KAT2B: variants seen among roughly 807,000 people sequenced by gnomAD.
KAT2B encodes the protein histone acetyltransferase KAT2B.
A neutral mutation model predicts 105.9 loss-of-function variants in KAT2B; 36 were observed. The observed-to-expected ratio is 0.34, with a 90% CI of 0.26 to 0.45. The LOEUF (loss-of-function observed/expected upper bound fraction) is 0.45. KAT2B is among the 20% of genes least tolerant of loss of function. KAT2B has a pLI of 1.00. For synonymous variants in KAT2B, 397 were observed against 377.9 expected, an observed-to-expected ratio of 1.05 and a Z score of -0.59; for missense variants, 820 against 1,021.6, an observed-to-expected ratio of 0.80 and a Z score of 2.69.
rs935551582 is a variant in KAT2B at position 20,154,398 on chromosome 3, C to A, written c.*1873C>A. On this transcript the variant is annotated 3_prime_UTR_variant, in exon 18 of 18. Coordinates refer to ENST00000263754, the MANE Select transcript of KAT2B (RefSeq NM_003884.5). Reference sequence around the variant, plus strand: ...TAGTTTTAAATTATATTTTAAAAAGCTTCCAATCTTGTGGTGTGTTTTATT... The same window carrying A: ...TAGTTTTAAATTATATTTTAAAAAGATTCCAATCTTGTGGTGTGTTTTATT... The A allele has an allele frequency of 1.3e-5, 2 of 152,478 alleles. No individual in the cohort carries two copies. Among genetic ancestry groups the A allele is most frequent in the Non-Finnish European group, 1.5e-5 (1 of 68,014 alleles). 9.4% of individuals were successfully genotyped at this position (152,478 alleles called of 1,614,324 possible).
At position 20,111,628 on chromosome 3, in the gene KAT2B, GC is replaced by G; in HGVS notation, c.885del (p.Cys295TrpfsTer25). 6.2e-7 allele frequency: 1 copy of G among 1,613,422 alleles called. No individual in the cohort carries two copies. The highest frequency in any genetic ancestry group is 8.5e-7 in the Non-Finnish European group (1 of 1,179,692). ...TGTTACTGCAACGTGCCACAGTTCT[GC>G]GACAGTCTACCTCGGTACGAAACCA... ...WLCYCNVPQF[C>X]DSLPRYETTQ... On this transcript the variant is annotated frameshift_variant, in exon 6 of 18. Coordinates refer to ENST00000263754, the MANE Select transcript of KAT2B (RefSeq NM_003884.5). LOFTEE classifies it high-confidence loss of function.
intron 12 of KAT2B, among the ~76,000 whole-genome samples, chr3:20,138,862 T>TA (rs1259752970): frequency 6.6e-6 from 1 of 152,190 alleles, no homozygotes; most frequent in Non-Finnish European, 1.5e-5. Context: ...TGTTATTACA[T>TA]AAAATCTATT....
intron 1 of KAT2B, among the ~76,000 whole-genome samples, chr3:20,071,732 C>T (rs1201055801): frequency 1.3e-5 from 2 of 152,110 alleles, no homozygotes; most frequent in Admixed American, 6.6e-5. Context: ...GGGAAATGTA[C>T]GTGTAAGTAG....
intron 1 of KAT2B, among the ~76,000 whole-genome samples, chr3:20,064,149 A>G (rs557835024): frequency 1.3e-4 from 20 of 152,258 alleles, no homozygotes; most frequent in Middle Eastern, 3.4e-3. Flanking sequence ...GAGGATTCCA[A>G]TTTTTCACAT....
intron 5 of KAT2B, among the ~76,000 whole-genome samples, chr3:20,107,782 A>G (rs894191587): frequency 1.3e-5 from 2 of 149,240 alleles, no homozygotes; most frequent in African/African-American, 4.9e-5. Flanking sequence ...AAACCTCCAA[A>G]TCCAGTGTTT....
rs1167171535 is a variant in KAT2B, at chr3:20,054,137, G to GT, written c.303+13367dup. Reference sequence around the variant, plus strand: ...TTTTGTTTTTGTTTTTTGTTTTTTTGTTTTTTTTTTGAGACGGTGTCTCGC... The same window carrying GT: ...TTTTGTTTTTGTTTTTTGTTTTTTTGTTTTTTTTTTTGAGACGGTGTCTCGC... On this transcript the variant is annotated intron_variant, in intron 1 of 17. Coordinates refer to ENST00000263754, the MANE Select transcript of KAT2B (RefSeq NM_003884.5). Among the ~76,000 whole-genome samples, 119 of 145,236 alleles carry GT rather than the reference G, an allele frequency of 8.2e-4. 1 individual carries two copies. Among genetic ancestry groups the GT allele is most frequent in the Middle Eastern group, 7.3e-3 (2 of 274 alleles).
rs79085995 is a variant in KAT2B, at chr3:20,056,323, G to T, written c.303+15543G>T. 2.5e-3 allele frequency among the ~76,000 whole-genome samples: 387 copies of T among 152,234 alleles called. 3 individuals carry two copies. The highest frequency in any genetic ancestry group is 8.9e-3 in the African/African-American group (369 of 41,534). On this transcript the variant is annotated intron_variant, in intron 1 of 17. Coordinates refer to ENST00000263754, the MANE Select transcript of KAT2B (RefSeq NM_003884.5). ...GACAGAAATGAAGGATAATGTCCAG[G>T]TTTTTGGCCTGAGCAACTGAATGGA...
intron 7 of KAT2B, among the ~76,000 whole-genome samples, chr3:20,118,133 T>TA (rs926288283): frequency 6.8e-6 from 1 of 146,994 alleles, no homozygotes; most frequent in African/African-American, 2.5e-5. Context: ...CATGTATATA[T>TA]AAAAAAAAAT....
In KAT2B at chr3:20,044,858, T is replaced by C. The variant is rs564647988; in HGVS notation, c.303+4078T>C. On this transcript the variant is annotated intron_variant, in intron 1 of 17. Coordinates refer to ENST00000263754, the MANE Select transcript of KAT2B (RefSeq NM_003884.5). ...GATTCTTAGCCATGCGGTTATTGAC[T>C]AAGCGAATGAACCAGAGAAGAGAAA... Among the ~76,000 whole-genome samples, 5 of 152,304 alleles carry C rather than the reference T, an allele frequency of 3.3e-5. No individual in the cohort carries two copies. The South Asian group carries it at 1.0e-3, about 32-fold the overall frequency.
At chr3:20,062,388 CATA>C (rs1211339753) in intron 1 of KAT2B, among the ~76,000 whole-genome samples, 11 of 105,148 alleles carry the variant, frequency 1.0e-4, no homozygotes, top group East Asian at 4.9e-4. Context: ...TTATATATAA[CATA>C]ATAAATTATA....
At chr3:20,138,907 G>A (rs1214395747) in intron 12 of KAT2B, among the ~76,000 whole-genome samples, 1 of 151,912 alleles carries the variant, frequency 6.6e-6, no homozygotes, top group Admixed American at 6.6e-5. Flanking sequence ...TTGTTTGTTT[G>A]TTTTGAGACA....
In KAT2B at chr3:20,140,185, A is replaced by C. The variant is rs764232813; in HGVS notation, c.1861-36A>C. 2.2e-6 allele frequency: 3 copies of C among 1,339,624 alleles called. No individual in the cohort carries two copies. The Admixed American group carries it at 5.1e-5, about 23-fold the overall frequency. 83.0% of individuals were successfully genotyped at this position (1,339,624 alleles called of 1,614,324 possible). A position where few individuals can be genotyped will look rare whatever the true frequency, so the allele number is the denominator to read the frequency against. ...TTAGCACTCAGTAGATATTTGGTGT[A>C]TGGTGTTCATATGAATGAATTTACT... is the stretch of plus-strand genomic sequence containing the variant. On this transcript the variant is annotated intron_variant, in intron 12 of 17. Coordinates refer to ENST00000263754, the MANE Select transcript of KAT2B (RefSeq NM_003884.5).
At chr3:20,048,616 A>G (rs1261802382) in intron 1 of KAT2B, among the ~76,000 whole-genome samples, 2 of 152,160 alleles carry the variant, frequency 1.3e-5, no homozygotes, top group African/African-American at 4.8e-5. Flanking sequence ...TCTCAGATGA[A>G]TACTCCGTGT....
At chr3:20,142,777 G>A (rs1285075208) in intron 13 of KAT2B, among the ~76,000 whole-genome samples, 1 of 139,968 alleles carries the variant, frequency 7.1e-6, no homozygotes, top group Non-Finnish European at 1.7e-5. Context: ...AATGGAAACA[G>A]ATTTGTGGGC....
intron 1 of KAT2B, among the ~76,000 whole-genome samples, chr3:20,048,016 C>G (rs960854058): frequency 1.3e-5 from 2 of 152,086 alleles, no homozygotes; most frequent in Admixed American, 6.6e-5. Flanking sequence ...TTCAGATAGG[C>G]AATATTGTCA....
At chr3:20,095,804 A>G (rs1698798269) in intron 3 of KAT2B, among the ~76,000 whole-genome samples, 1 of 152,230 alleles carries the variant, frequency 6.6e-6, no homozygotes, top group Non-Finnish European at 1.5e-5. Context: ...CAAGTAAATA[A>G]TACCTTTGCA....
intron 1 of KAT2B, among the ~76,000 whole-genome samples, chr3:20,043,103 C>T (rs1697747837): frequency 6.6e-6 from 1 of 152,050 alleles, no homozygotes; most frequent in Non-Finnish European, 1.5e-5. Context: ...TAGGGTTTCA[C>T]CTTGTTGCCC....
At chr3:20,095,195 A>T in intron 2 of KAT2B, 68 bp from the exon 3 acceptor site, 1 of 1,304,060 alleles carries the variant, frequency 7.7e-7, no homozygotes, top group Non-Finnish European at 1.1e-6. Flanking sequence ...AGGACCTTCC[A>T]CTTAAAAATG....
Position 20,152,375 on chromosome 3 carries a change from G to C in KAT2B, c.2349G>C (p.Val783=), listed in dbSNP as rs769093948. Residue 783 remains valine (V), a synonymous_variant, in exon 18 of 18, where the codon GTG becomes GTC. Transcript: ENST00000263754. ...MSERLKNRYY[V]SKKLFMADLQ... ...AACGCCTCAAGAATAGGTACTACGT[G>C]TCTAAGAAATTATTCATGGCAGACT... 1 of 1,613,304 alleles carries C rather than the reference G, an allele frequency of 6.2e-7. No individual in the cohort carries two copies. The highest frequency in any genetic ancestry group is 8.5e-7 in the Non-Finnish European group (1 of 1,179,576).
Sources: allele counts gnomAD v4.1 joint callset (sites outside exome capture counted in the v4.1 genomes callset), GRCh38; gene constraint gnomAD v4.1.1; transcripts MANE v1.5; gene names NCBI Gene and HGNC (gene_info 2026-07-23, HGNC 2026-07-21).